The following ZNF33B variants were observed in gnomAD, a reference collection of about 807,000 sequenced individuals.
The protein encoded by ZNF33B is zinc finger protein 33B, also known as zinc finger protein 11b (KOX 2).
In ZNF33B, 29 loss-of-function variants were observed where a neutral mutation model predicts 45.8. The ratio of observed to expected loss-of-function variants is 0.63; its 90% CI spans 0.47 to 0.86. The LOEUF is 0.86. Among genes scored for constraint, ZNF33B ranks in the 40% least tolerant of loss-of-function variants. The pLI, the probability that ZNF33B is intolerant of heterozygous loss-of-function variation, is 0.00. For synonymous variants in ZNF33B, 305 were observed against 307.8 expected, an observed-to-expected ratio of 0.99 and a Z score of 0.10; for missense variants, 831 against 909.9, an observed-to-expected ratio of 0.91 and a Z score of 1.12.
At position 42,610,257 on chromosome 10, in the gene ZNF33B, C is replaced by T. The variant is rs139873858; in HGVS notation, c.251-15558G>A. ...ATGAAATTTTAAAAAGAATTCCGGC[C>T]AGGCATAATGGCTCAAGCCTGTAAT... On this transcript the variant is annotated intron_variant, in intron 4 of 4. Coordinates refer to ENST00000359467, the MANE Select transcript of ZNF33B (RefSeq NM_006955.3). Among the ~76,000 whole-genome samples the T allele has an allele frequency of 5.6e-3, 851 of 152,284 alleles. 6 individuals carry two copies. Among genetic ancestry groups the T allele is most frequent in the Non-Finnish European group, 7.6e-3 (515 of 68,030 alleles).
At chr10:42,597,556 A>G (rs545596187) in intron 4 of ZNF33B, among the ~76,000 whole-genome samples, 1 of 152,260 alleles carries the variant, frequency 6.6e-6, no homozygotes, top group South Asian at 2.1e-4. Flanking sequence ...CATTTTCAAT[A>G]TATAATTGAA....
chr10:42,576,567 G>A (rs1160598166), intron 1 of ZNF33B, among the ~76,000 whole-genome samples: 1 of 152,108 alleles, frequency 6.6e-6, no homozygotes, highest in Non-Finnish European at 1.5e-5. Flanking sequence ...ACCCACCAGT[G>A]CTTTCATGCC....
At chr10:42,586,128 G>A (rs1282589203), downstream of ZNF33B, among the ~76,000 whole-genome samples, 3 of 151,352 alleles carry the variant, frequency 2.0e-5, no homozygotes, top group South Asian at 2.1e-4. Context: ...CCAGATGATC[G>A]GCACAGGATA....
At chr10:42,622,939 T>C (rs1838653938) in intron 4 of ZNF33B, among the ~76,000 whole-genome samples, 1 of 152,216 alleles carries the variant, frequency 6.6e-6, no homozygotes, top group South Asian at 2.1e-4. Context: ...TGATGGATTC[T>C]TAACTATGAC....
At chr10:42,598,192 C>T (rs927923095) in intron 4 of ZNF33B, among the ~76,000 whole-genome samples, 3 of 152,310 alleles carry the variant, frequency 2.0e-5, no homozygotes, top group African/African-American at 7.2e-5. Context: ...ACACAATGTC[C>T]ACAAGTATGC....
At chr10:42,594,807 C>A in intron 4 of ZNF33B, 108 bp from the exon 5 acceptor site, 1 of 1,245,590 alleles carries the variant, frequency 8.0e-7, no homozygotes. Context: ...GTTTTTTGGC[C>A]AATTTCCAGA....
intron 4 of ZNF33B, among the ~76,000 whole-genome samples, chr10:42,629,984 T>C (rs982452562): frequency 1.3e-5 from 2 of 152,218 alleles, no homozygotes; most frequent in African/African-American, 4.8e-5. Context: ...TTGTCTTAAG[T>C]GTTTCCCCTA....
rs190786644 is a variant in ZNF33B at position 42,590,999 on chromosome 10, A to C, written c.*1614T>G. On this transcript the variant is annotated 3_prime_UTR_variant, in exon 5 of 5. Transcript: ENST00000359467. ...AAGTGGAAGCTTAGATTACTTGTGT[A>C]ATCTAGGGTCACCAGACTGTAAAAT... is the stretch of plus-strand genomic sequence containing the variant. The C allele has an allele frequency of 1.2e-5, 2 of 169,974 alleles. No homozygotes were observed. The highest frequency in any genetic ancestry group is 3.8e-4 in the East Asian group (2 of 5,278). 10.5% of individuals were successfully genotyped at this position (169,974 alleles called of 1,614,324 possible). A position where few individuals can be genotyped will look rare whatever the true frequency, so the allele number is the denominator to read the frequency against.
At chr10:42,636,886 G>T in intron 2 of ZNF33B, 34 bp downstream of exon 2, 1 of 1,613,730 alleles carries the variant, frequency 6.2e-7, no homozygotes, top group Non-Finnish European at 8.5e-7. Flanking sequence ...AAAGTCCACC[G>T]CAAAATAAAG....
intron 1 of ZNF33B, among the ~76,000 whole-genome samples, chr10:42,576,488 A>T (rs1836751018): frequency 6.6e-6 from 1 of 152,158 alleles, no homozygotes; most frequent in East Asian, 1.9e-4. Flanking sequence ...GAGTGCAGGC[A>T]GGGAGCTTGC....
chr10:42,627,018 T>C (rs1226783748), intron 4 of ZNF33B, among the ~76,000 whole-genome samples: 1 of 152,056 alleles, frequency 6.6e-6, no homozygotes, highest in Non-Finnish European at 1.5e-5. Flanking sequence ...CTTTTTTTTT[T>C]TGGAGACAGA....
At chr10:42,596,339 C>G (rs1368080601) in intron 4 of ZNF33B, among the ~76,000 whole-genome samples, 2 of 151,798 alleles carry the variant, frequency 1.3e-5, no homozygotes, top group East Asian at 3.9e-4. Flanking sequence ...ACAAAAAGAC[C>G]AAGTCTCAGC....
chr10:42,576,776 G>C lies in ZNF33B; in HGVS notation c.74-2098C>G, dbSNP rs191182993. ...GGTGGAAAACAAGAAGGAAAGCTAT[G>C]AGCAGACAGAAACCAAAGAGTAATC... On this transcript the variant is annotated intron_variant, in intron 1 of 1. Transcript: ENST00000462075. Among the ~76,000 whole-genome samples the C allele has an allele frequency of 9.1e-4, 139 of 152,258 alleles. 2 individuals are homozygous for C. The highest frequency in any genetic ancestry group is 1.4e-3 in the Non-Finnish European group (95 of 68,030).
chr10:42,622,964 C>T (rs1838654813), intron 4 of ZNF33B, among the ~76,000 whole-genome samples: 1 of 151,982 alleles, frequency 6.6e-6, no homozygotes, highest in Admixed American at 6.6e-5. Context: ...AATGGATAAG[C>T]AACAAAAGAA....
intron 4 of ZNF33B, among the ~76,000 whole-genome samples, chr10:42,615,009 C>T (rs1472983952): frequency 6.6e-6 from 1 of 150,946 alleles, no homozygotes; most frequent in Non-Finnish European, 1.5e-5. Flanking sequence ...TGCAAAAAAC[C>T]ACAATGAGAT....
chr10:42,631,192 T>TA lies in ZNF33B; in HGVS notation c.250+736_250+737insT, dbSNP rs759373380. Reference sequence around the variant, plus strand: ...CATAATATACTTAGAGACATAATTTTGTTTTTTTTTTATATTTATTTACTT... The same window carrying TA: ...CATAATATACTTAGAGACATAATTTTAGTTTTTTTTTTATATTTATTTACTT... On this transcript the variant is annotated intron_variant, in intron 4 of 4. Transcript: ENST00000359467. 1.7e-3 allele frequency among the ~76,000 whole-genome samples: 253 copies of TA among 151,284 alleles called. 1 individual carries two copies. The highest frequency in any genetic ancestry group is 2.9e-3 in the Non-Finnish European group (195 of 67,778).
downstream of ZNF33B, among the ~76,000 whole-genome samples, chr10:42,585,614 G>A (rs1214306201): frequency 6.6e-6 from 1 of 152,182 alleles, no homozygotes; most frequent in Admixed American, 6.5e-5. Flanking sequence ...GTGTTCACAT[G>A]TAATCCTCCC....
At chr10:42,632,226 G>A in intron 3 of ZNF33B, 69 bp downstream of exon 3, 1 of 1,560,758 alleles carries the variant, frequency 6.4e-7, no homozygotes, top group South Asian at 1.2e-5. Context: ...AAACTAGACA[G>A]ACTGCCTATA....
At chr10:42,635,459 T>C (rs1234622347) in intron 2 of ZNF33B, among the ~76,000 whole-genome samples, 1 of 152,130 alleles carries the variant, frequency 6.6e-6, no homozygotes, top group Non-Finnish European at 1.5e-5. Context: ...GCCATGGATT[T>C]GTAATAATTC....
Sources: gnomAD v4.1 joint callset for allele counts (sites outside exome capture counted in the v4.1 genomes callset) on GRCh38, gnomAD v4.1.1 for gene constraint, MANE v1.5 for transcripts, NCBI Gene and HGNC (gene_info 2026-07-23, HGNC 2026-07-21) for gene names.